RASEF: variants seen among roughly 807,000 people sequenced by gnomAD.
RASEF encodes ras and EF-hand domain-containing protein.
A neutral mutation model predicts 90.1 loss-of-function variants in RASEF; 68 were observed. The ratio of observed to expected loss-of-function variants is 0.75; its 90% CI spans 0.62 to 0.92. The LOEUF (loss-of-function observed/expected upper bound fraction) is 0.92. Ranked by LOEUF, RASEF falls within the 40% of genes least tolerant of loss-of-function variation. The probability of loss-of-function intolerance (pLI) is 0.00; values close to 1 mark genes in which losing one functional copy is unlikely to be tolerated. For missense variants in RASEF, 949 were observed against 937.2 expected (o/e 1.01, Z -0.16); for synonymous variants, 331 against 345.2 (o/e 0.96, Z 0.46).
the RASEF span, among the ~76,000 whole-genome samples, chr9:83,135,530 C>T: frequency 1.3e-5 from 2 of 152,066 alleles, no homozygotes; most frequent in African/African-American, 4.8e-5. Flanking sequence ...TGCTGAATTG[C>T]ACACTTTAAA....
the RASEF span, among the ~76,000 whole-genome samples, chr9:83,077,587 G>GA: frequency 7.3e-5 from 11 of 151,406 alleles, no homozygotes; most frequent in East Asian, 1.9e-4. Flanking sequence ...AAACATTGGG[G>GA]AAAAAAAACA....
At chr9:83,198,362 A>T in the RASEF span, among the ~76,000 whole-genome samples, 5 of 152,214 alleles carry the variant, frequency 3.3e-5, no homozygotes, top group South Asian at 1.0e-3. Context: ...AAAAACTGCA[A>T]TGGCAACAGT....
Position 82,982,722 on chromosome 9 carries a change from G to T in RASEF, c.2178C>A (p.Thr726=). ...DSRSITNLTG[T]NSKKSPQMKN... ...TCATCTGTGGTGACTTTTTGGAATT[G>T]GTCCCGGTTAGATTGGTAATGGATC... Residue 726 remains threonine (T), a synonymous_variant, in exon 17 of 17, where the codon ACC becomes ACA. Transcript: ENST00000376447. The T allele has an allele frequency of 6.2e-7, 1 of 1,611,364 alleles. No homozygotes were observed. The highest frequency in any genetic ancestry group is 8.5e-7 in the Non-Finnish European group (1 of 1,177,602).
the RASEF span, among the ~76,000 whole-genome samples, chr9:83,139,210 T>G: frequency 4.6e-5 from 7 of 152,162 alleles, no homozygotes; most frequent in Non-Finnish European, 1.0e-4. Context: ...ATGTGCACAT[T>G]CATGTTTGAG....
the RASEF span, among the ~76,000 whole-genome samples, chr9:83,116,428 C>T: frequency 6.6e-6 from 1 of 152,068 alleles, no homozygotes; most frequent in Non-Finnish European, 1.5e-5. Context: ...GTGCCAAATC[C>T]TGCAAACATA....
At chr9:83,061,033 C>A (rs958114249) in intron 1 of RASEF, among the ~76,000 whole-genome samples, 6 of 152,114 alleles carry the variant, frequency 3.9e-5, no homozygotes, top group African/African-American at 1.2e-4. Context: ...TACATCATAT[C>A]CAATATGATG....
At chr9:83,205,018 A>G in the RASEF span, among the ~76,000 whole-genome samples, 1,612 of 152,326 alleles carry the variant, frequency 0.011, 23 homozygotes, top group African/African-American at 0.035. Context: ...ACTCAACCAA[A>G]GATACTCAGT....
chr9:82,992,951 C>T lies in RASEF; in HGVS notation c.1995G>A (p.Glu665=). The change falls in exon 15 of 17, where the codon GAG becomes GAA. Residue 665 remains glutamate, a synonymous_variant. Transcript: ENST00000376447. ...AGTGCCCTGGGACACATTTTTGTCC[C>T]TCTGTAGCAGCAGTGTCACGAATGT... ...KADIRDTAAT[E]GQKCVPGHFG... is the part of the protein sequence containing the mutation. 6.2e-7 allele frequency: 1 copy of T among 1,613,984 alleles called. No homozygotes were observed. Among genetic ancestry groups the T allele is most frequent in the Middle Eastern group, 1.6e-4 (1 of 6,062 alleles).
At chr9:83,204,439 C>G in the RASEF span, among the ~76,000 whole-genome samples, 1 of 152,204 alleles carries the variant, frequency 6.6e-6, no homozygotes, top group Non-Finnish European at 1.5e-5. Flanking sequence ...TTCACTTACA[C>G]TGGCTATGGG....
the RASEF span, among the ~76,000 whole-genome samples, chr9:83,094,892 T>G: frequency 6.6e-6 from 1 of 152,190 alleles, no homozygotes; most frequent in Admixed American, 6.5e-5. Flanking sequence ...GCTACTTGTT[T>G]CTCTTGTTTC....
At position 82,997,077 on chromosome 9, in the gene RASEF, G is replaced by A; in HGVS notation, c.1855C>T (p.Leu619=). 1 of 1,613,538 alleles carries A rather than the reference G, an allele frequency of 6.2e-7. No homozygotes were observed. Among genetic ancestry groups the A allele is most frequent in the African/African-American group, 1.3e-5 (1 of 75,034 alleles). Residue 619 remains leucine, a synonymous_variant, in exon 14 of 17, where the codon CTG becomes TTG. Coordinates refer to ENST00000376447, the MANE Select transcript of RASEF (RefSeq NM_152573.4). ...SYFRKADGVL[L]LYDVTCEKSF... Reference sequence around the variant, plus strand: ...TTCTCACATGTAACATCATACAGCAGCAAAACACCATCTGCCTTTCTGAAG... The same window carrying A: ...TTCTCACATGTAACATCATACAGCAACAAAACACCATCTGCCTTTCTGAAG...
rs756915798 is a variant in RASEF at position 82,982,650 on chromosome 9, A to T, written c.*27T>A. 2 of 1,229,184 alleles carry T rather than the reference A, an allele frequency of 1.6e-6. No homozygotes were observed. The highest frequency in any genetic ancestry group is 1.5e-5 in the African/African-American group (1 of 67,438). 76.1% of individuals were successfully genotyped at this position (1,229,184 alleles called of 1,614,324 possible). A position where few individuals can be genotyped will look rare whatever the true frequency, so the allele number is the denominator to read the frequency against. ...CAAATTCAGTATTCTGGAAATGAAG[A>T]CTTCACAGGCCAAGGATGTTTGGGA... On this transcript the variant is annotated 3_prime_UTR_variant, in exon 17 of 17. Transcript: ENST00000376447.
the RASEF span, among the ~76,000 whole-genome samples, chr9:83,073,626 G>T: frequency 6.6e-6 from 1 of 152,156 alleles, no homozygotes; most frequent in African/African-American, 2.4e-5. Context: ...CTGGCACAAG[G>T]CCTGCAGAAA....
chr9:83,165,276 C>T, the RASEF span, among the ~76,000 whole-genome samples: 6 of 152,138 alleles, frequency 3.9e-5, no homozygotes, highest in East Asian at 5.8e-4. Context: ...TACCTTAATA[C>T]ATTTAAGAGA....
rs546696083 is a variant in RASEF at position 83,062,652 on chromosome 9, G to A, written c.216C>T (p.Leu72=). The change falls in exon 1 of 17, where the codon CTC becomes CTT. Residue 72 remains leucine (L), a synonymous_variant. Transcript: ENST00000376447. ...GGCGCCGCCCCCCGCGGAGGGACCC[G>A]AGGAAGCCACGCGCGAACTCCTGGA... ...ITFQEFARGF[L]GSLRGGRRRD... is the part of the protein sequence containing the mutation. The A allele has an allele frequency of 3.2e-6, 5 of 1,563,534 alleles. No individual in the cohort carries two copies. Among genetic ancestry groups the A allele is most frequent in the East Asian group, 2.3e-5 (1 of 42,610 alleles).
chr9:83,141,464 G>A, the RASEF span, among the ~76,000 whole-genome samples: 11 of 152,150 alleles, frequency 7.2e-5, no homozygotes, highest in Admixed American at 6.5e-4. Flanking sequence ...ATGAAAAGGC[G>A]AGACTTCTGG....
chr9:83,161,038 C>T, the RASEF span, among the ~76,000 whole-genome samples: 5 of 152,136 alleles, frequency 3.3e-5, no homozygotes, highest in African/African-American at 4.8e-5. Flanking sequence ...TTTGCTGTAG[C>T]GGTGGGGCCC....
chr9:83,092,939 C>T, the RASEF span, among the ~76,000 whole-genome samples: 1 of 152,124 alleles, frequency 6.6e-6, no homozygotes, highest in Non-Finnish European at 1.5e-5. Context: ...AAACCCTGAG[C>T]TAGACACAGG....
intron 3 of RASEF, among the ~76,000 whole-genome samples, chr9:83,016,191 A>G (rs1829339836): frequency 6.6e-6 from 1 of 152,244 alleles, no homozygotes; most frequent in South Asian, 2.1e-4. Flanking sequence ...AGACCATAGC[A>G]CATCAATCAA....
Sources: allele counts gnomAD v4.1 joint callset (sites outside exome capture counted in the v4.1 genomes callset), GRCh38; gene constraint gnomAD v4.1.1; transcripts MANE v1.5; gene names NCBI Gene and HGNC (gene_info 2026-07-23, HGNC 2026-07-21).